The following CACNA2D1 variants were observed in gnomAD, a reference collection of about 807,000 sequenced individuals.
The protein encoded by CACNA2D1 is calcium voltage-gated channel auxiliary subunit alpha2delta 1, also known as voltage-dependent calcium channel subunit alpha-2/delta-1.
Under a neutral mutation model 171.5 loss-of-function variants are expected in CACNA2D1, and 53 were observed. The ratio of observed to expected loss-of-function variants is 0.31; its 90% CI spans 0.25 to 0.39. CACNA2D1 has a LOEUF of 0.39. CACNA2D1 is among the 10% of genes least tolerant of loss of function. The probability of loss-of-function intolerance (pLI) is 1.00; values close to 1 mark genes in which losing one functional copy is unlikely to be tolerated. For synonymous variants in CACNA2D1, 442 were observed against 443.1 expected (o/e 1.00, Z 0.03); for missense variants, 903 against 1,299.8 (o/e 0.69, Z 4.69).
intron 18 of CACNA2D1, among the ~76,000 whole-genome samples, chr7:81,998,711 A>G (rs1798294209): frequency 6.6e-6 from 1 of 152,140 alleles, no homozygotes; most frequent in African/African-American, 2.4e-5. Context: ...AATACTGAAA[A>G]TAAGTATTAA....
At chr7:82,008,869 A>G (rs1231736741) in intron 15 of CACNA2D1, among the ~76,000 whole-genome samples, 1 of 152,122 alleles carries the variant, frequency 6.6e-6, no homozygotes, top group African/African-American at 2.4e-5. Context: ...TTCAATGGGA[A>G]TATGAATGAA....
chr7:82,080,066 TAC>T (rs1809540210), intron 7 of CACNA2D1, among the ~76,000 whole-genome samples: 1 of 150,478 alleles, frequency 6.6e-6, no homozygotes, highest in Non-Finnish European at 1.5e-5. Context: ...TGTATATATA[TAC>T]GTATATATAT....
At chr7:82,175,611 C>G (rs978604974) in intron 3 of CACNA2D1, among the ~76,000 whole-genome samples, 1 of 151,906 alleles carries the variant, frequency 6.6e-6, no homozygotes, top group East Asian at 1.9e-4. Context: ...CTTCAATGTT[C>G]GAAAGAAAAG....
intron 7 of CACNA2D1, among the ~76,000 whole-genome samples, chr7:82,080,136 T>C (rs1013524069): frequency 3.8e-5 from 3 of 78,412 alleles, no homozygotes; most frequent in East Asian, 2.8e-4. Flanking sequence ...TATATATATA[T>C]ACACACCTAT....
At chr7:82,164,018 G>A (rs1342690318) in intron 4 of CACNA2D1, among the ~76,000 whole-genome samples, 2 of 151,846 alleles carry the variant, frequency 1.3e-5, no homozygotes, top group Admixed American at 6.6e-5. Context: ...TGCTAAAAGT[G>A]CACAGCAAGT....
At chr7:82,251,402 G>A (rs948736173) in intron 3 of CACNA2D1, among the ~76,000 whole-genome samples, 8 of 152,112 alleles carry the variant, frequency 5.3e-5, no homozygotes, top group African/African-American at 1.9e-4. Context: ...CATTGCTGTA[G>A]GCTTCTGTCG....
Position 82,349,548 on chromosome 7 carries a change from C to T in CACNA2D1, c.177+20G>A, listed in dbSNP as rs1446768095. ...AATTAATGAAAAGATTAAGAAATCT[C>T]TTTGGTGGATTTTACTCACATCAAC... On this transcript the variant is annotated intron_variant, in intron 2 of 38. Transcript: ENST00000356860. 1.9e-6 allele frequency: 3 copies of T among 1,591,038 alleles called. No individual in the cohort carries two copies. Among genetic ancestry groups the T allele is most frequent in the East Asian group, 2.2e-5 (1 of 44,756 alleles).
At position 82,012,254 on chromosome 7, in the gene CACNA2D1, G is replaced by GAAAT; in HGVS notation, c.1273-12_1273-11insATTT. On this transcript the variant is annotated splice_polypyrimidine_tract_variant and intron_variant, in intron 14 of 38. Coordinates refer to ENST00000356860, the MANE Select transcript of CACNA2D1 (RefSeq NM_000722.4). ...AACATCCAAATATTCCTGTTTATGG[G>GAAAT]AAAAAAAAAAAAAGTCGTGGTTAAA... is the stretch of plus-strand genomic sequence containing the variant. 8.2e-7 allele frequency: 1 copy of GAAAT among 1,223,360 alleles called. No individual in the cohort carries two copies. Among genetic ancestry groups the GAAAT allele is most frequent in the Non-Finnish European group, 1.2e-6 (1 of 854,940 alleles). The allele number at this position is 1,223,360 out of a possible 1,614,324, so 75.8% of individuals were successfully genotyped here. A position where few individuals can be genotyped will look rare whatever the true frequency, so the allele number is the denominator to read the frequency against.
intron 4 of CACNA2D1, among the ~76,000 whole-genome samples, chr7:82,146,749 G>A (rs1793171509): frequency 6.6e-6 from 1 of 150,776 alleles, no homozygotes; most frequent in African/African-American, 2.4e-5. Flanking sequence ...CACTCTGGGA[G>A]GCCGAGGCGG....
chr7:81,964,115 A>C lies in CACNA2D1; in HGVS notation c.2728-7T>G, dbSNP rs2130301232. ...ATATGTCTGCTACTGATGGCTATAA[A>C]ATAAAATAATAAGGTCATTTCAGTA... On this transcript the variant is annotated splice_polypyrimidine_tract_variant and splice_region_variant and intron_variant, in intron 33 of 38. Coordinates refer to ENST00000356860, the MANE Select transcript of CACNA2D1 (RefSeq NM_000722.4). 1 of 1,612,134 alleles carries C rather than the reference A, an allele frequency of 6.2e-7. No homozygotes were observed. Among genetic ancestry groups the C allele is most frequent in the East Asian group, 2.2e-5 (1 of 44,802 alleles).
intron 3 of CACNA2D1, among the ~76,000 whole-genome samples, chr7:82,172,794 A>T (rs1053585218): frequency 6.6e-6 from 1 of 151,516 alleles, no homozygotes; most frequent in Non-Finnish European, 1.5e-5. Flanking sequence ...TAAAAAAAAA[A>T]AAAAGCAGTA....
chr7:82,296,901 T>A (rs1309245610), intron 3 of CACNA2D1, among the ~76,000 whole-genome samples: 3 of 151,934 alleles, frequency 2.0e-5, no homozygotes, highest in African/African-American at 7.3e-5. Context: ...AAAATCATTT[T>A]AAATGTCAGG....
chr7:82,313,027 G>A (rs1330660788), intron 3 of CACNA2D1, among the ~76,000 whole-genome samples: 1 of 152,136 alleles, frequency 6.6e-6, no homozygotes, highest in Non-Finnish European at 1.5e-5. Context: ...GTCCTGGTTT[G>A]AGAGTCCATC....
At chr7:82,288,317 A>C (rs565663107) in intron 3 of CACNA2D1, among the ~76,000 whole-genome samples, 4 of 151,916 alleles carry the variant, frequency 2.6e-5, no homozygotes, top group Non-Finnish European at 5.9e-5. Flanking sequence ...ATTATGAATA[A>C]TTTTAATAAA....
chr7:82,171,178 C>T (rs1795979658), intron 3 of CACNA2D1, among the ~76,000 whole-genome samples: 1 of 152,010 alleles, frequency 6.6e-6, no homozygotes, highest in Admixed American at 6.6e-5. Context: ...CTTTATTTCA[C>T]CTTCAATCGT....
intron 1 of CACNA2D1, among the ~76,000 whole-genome samples, chr7:82,411,274 G>A (rs1405343506): frequency 6.6e-6 from 1 of 152,144 alleles, no homozygotes; most frequent in Admixed American, 6.5e-5. Flanking sequence ...TTTGAAATCA[G>A]ATAGACCTGA....
At chr7:82,013,925 CAT>C (rs766123941) in intron 13 of CACNA2D1, among the ~76,000 whole-genome samples, 120 of 152,014 alleles carry the variant, frequency 7.9e-4, no homozygotes, top group African/African-American at 2.7e-3. Context: ...CTCAAATTAA[CAT>C]ATGTTTTTCT....
At chr7:82,319,709 C>A (rs756017687) in intron 3 of CACNA2D1, among the ~76,000 whole-genome samples, 30 of 152,088 alleles carry the variant, frequency 2.0e-4, no homozygotes, top group Non-Finnish European at 3.8e-4. Context: ...AGTTGACGGA[C>A]CTAGAATTTC....
intron 6 of CACNA2D1, among the ~76,000 whole-genome samples, chr7:82,098,261 C>T (rs1412866202): frequency 1.3e-5 from 2 of 152,170 alleles, no homozygotes; most frequent in African/African-American, 2.4e-5. Flanking sequence ...GTGACTGGTA[C>T]ACTTTAACAT....
Sources: gnomAD v4.1 joint callset for allele counts (sites outside exome capture counted in the v4.1 genomes callset) on GRCh38, gnomAD v4.1.1 for gene constraint, MANE v1.5 for transcripts, NCBI Gene and HGNC (gene_info 2026-07-23, HGNC 2026-07-21) for gene names.